ENTPD3: variants seen among roughly 807,000 people sequenced by gnomAD.
ENTPD3 encodes ectonucleoside triphosphate diphosphohydrolase 3, also known as CD39 antigen-like 3.
In ENTPD3, 60 loss-of-function variants were observed where a neutral mutation model predicts 51.2. That is an observed-to-expected ratio of 1.17 (90% CI 0.95 to 1.45). The LOEUF is 1.45. Ranked by LOEUF, ENTPD3 falls within the 40% of genes most tolerant of loss-of-function variation. ENTPD3 has a pLI of 0.00. For synonymous variants in ENTPD3, 221 were observed against 238.4 expected (o/e 0.93, Z 0.67); for missense variants, 593 against 641.1 (o/e 0.93, Z 0.81).
intron 4 of ENTPD3, among the ~76,000 whole-genome samples, chr3:40,409,419 G>C (rs1026753190): frequency 1.1e-4 from 16 of 152,156 alleles, no homozygotes; most frequent in African/African-American, 3.9e-4. Context: ...TGTTGTAGGA[G>C]GTCATTGCCC....
intron 2 of ENTPD3, among the ~76,000 whole-genome samples, chr3:40,390,059 T>A (rs1043058982): frequency 3.3e-5 from 5 of 152,188 alleles, no homozygotes; most frequent in Non-Finnish European, 4.4e-5. Flanking sequence ...TGCATTTTTT[T>A]ATTTTAATTA....
chr3:40,403,052 C>G (rs1235848447), intron 4 of ENTPD3, among the ~76,000 whole-genome samples: 1 of 152,152 alleles, frequency 6.6e-6, no homozygotes, highest in Non-Finnish European at 1.5e-5. Flanking sequence ...GTCCTCCCAG[C>G]CCGAGCAGCC....
At chr3:40,403,726 C>T (rs947586002) in intron 4 of ENTPD3, among the ~76,000 whole-genome samples, 11 of 149,776 alleles carry the variant, frequency 7.3e-5, no homozygotes, top group Non-Finnish European at 1.5e-4. Flanking sequence ...AATCATGGCT[C>T]GCTGCAGCCT....
chr3:40,397,115 G>GTTTATTTTTTTTT (rs1437880969), intron 3 of ENTPD3, among the ~76,000 whole-genome samples: 1 of 23,880 alleles, frequency 4.2e-5, no homozygotes, highest in South Asian at 1.5e-3. Flanking sequence ...TGGATAATTA[G>GTTTATTTTTTTTT]TTTCTTTTTT....
intron 4 of ENTPD3, among the ~76,000 whole-genome samples, chr3:40,405,527 A>G (rs1038561077): frequency 2.6e-5 from 4 of 152,034 alleles, no homozygotes; most frequent in African/African-American, 7.2e-5. Context: ...TCATTTGCCA[A>G]TAGTTGGCCG....
At chr3:40,416,614 A>G (rs1183648836) in intron 7 of ENTPD3, among the ~76,000 whole-genome samples, 2 of 152,204 alleles carry the variant, frequency 1.3e-5, no homozygotes, top group Admixed American at 1.3e-4. Context: ...TAAGTGTTCC[A>G]GGGCCCAGAA....
At chr3:40,413,713 C>T (rs1157588493) in intron 5 of ENTPD3, among the ~76,000 whole-genome samples, 1 of 152,184 alleles carries the variant, frequency 6.6e-6, no homozygotes, top group Non-Finnish European at 1.5e-5. Flanking sequence ...AAATGAATGT[C>T]TCCTTTGAAT....
In ENTPD3 at chr3:40,394,945, G is replaced by A. The variant is rs924327415; in HGVS notation, c.168+2795G>A. ...ACGAATGTGTTTACCCAGAGCCCAT[G>A]TTTCCCCTTCTAGAACACACTGTGG... On this transcript the variant is annotated intron_variant, in intron 3 of 10. Coordinates refer to ENST00000301825, the MANE Select transcript of ENTPD3 (RefSeq NM_001248.4). Among the ~76,000 whole-genome samples the A allele has an allele frequency of 4.5e-4, 68 of 152,188 alleles. 1 individual carries two copies. The highest frequency in any genetic ancestry group is 7.4e-5 in the Non-Finnish European group (5 of 68,026).
chr3:40,401,067 T>C, intron 4 of ENTPD3, 56 bp downstream of exon 4: 1 of 1,349,076 alleles, frequency 7.4e-7, no homozygotes, highest in African/African-American at 1.4e-5. Flanking sequence ...GAGTTCTAAG[T>C]GTTTTGGAGG....
chr3:40,414,506 C>T (rs962512484), intron 5 of ENTPD3, among the ~76,000 whole-genome samples, 175 bp from the exon 6 acceptor site: 3 of 152,168 alleles, frequency 2.0e-5, no homozygotes, highest in African/African-American at 7.2e-5. Context: ...TTCACAGTTG[C>T]CCCAGAAGGC....
chr3:40,425,460 A>C (rs1955963056), intron 10 of ENTPD3, among the ~76,000 whole-genome samples: 1 of 152,130 alleles, frequency 6.6e-6, no homozygotes, highest in South Asian at 2.1e-4. Context: ...GTGAAGGTGT[A>C]AAAAGACTTG....
chr3:40,423,009 C>T lies in ENTPD3; in HGVS notation c.991C>T (p.Pro331Ser). ...CATCACTTTTGAAGGAACTGGGGAC[C>T]CATCTCTGTGTAAGGAGAAGGTGGC... ...DVITFEGTGD[P>S]SLCKEKVASI... is the part of the protein sequence containing the mutation. Residue 331 changes from proline (P) to serine (S), a missense_variant, in exon 8 of 11, where the codon CCA (proline) becomes TCA (serine). Coordinates refer to ENST00000301825, the MANE Select transcript of ENTPD3 (RefSeq NM_001248.4). 6.2e-7 allele frequency: 1 copy of T among 1,614,030 alleles called. No individual in the cohort carries two copies. Among genetic ancestry groups the T allele is most frequent in the Non-Finnish European group, 8.5e-7 (1 of 1,179,992 alleles).
intron 10 of ENTPD3, among the ~76,000 whole-genome samples, 175 bp from the exon 11 acceptor site, chr3:40,427,097 T>G (rs1390977501): frequency 6.6e-6 from 1 of 152,160 alleles, no homozygotes; most frequent in Non-Finnish European, 1.5e-5. Context: ...GGAGGTGAGA[T>G]TTCCCCAAGC....
intron 7 of ENTPD3, among the ~76,000 whole-genome samples, chr3:40,418,753 T>C (rs564082202): frequency 1.5e-4 from 23 of 152,296 alleles, no homozygotes; most frequent in Non-Finnish European, 2.8e-4. Context: ...TGTATGAATG[T>C]GTAAAAACTT....
Position 40,423,297 on chromosome 3 carries a change from G to C in ENTPD3, c.1111G>C (p.Ala371Pro), listed in dbSNP as rs1048372207. 2 of 1,612,798 alleles carry C rather than the reference G, an allele frequency of 1.2e-6. No homozygotes were observed. Among genetic ancestry groups the C allele is most frequent in the Admixed American group, 1.7e-5 (1 of 59,942 alleles). The part of the protein sequence containing the change: ...PKIKGPFVAF[A>P]GFYYTASALN... ...CTGTATTACTTATTTCCAGGCTTTTGCAGGATTCTACTACACAGCCAGTGC... is the reference window on the plus strand; with the variant it reads ...CTGTATTACTTATTTCCAGGCTTTTCCAGGATTCTACTACACAGCCAGTGC... The change falls in exon 9 of 11, where the codon GCA (alanine) becomes CCA (proline). Residue 371 changes from alanine (A) to proline (P), a missense_variant. Coordinates refer to ENST00000301825, the MANE Select transcript of ENTPD3 (RefSeq NM_001248.4).
intron 10 of ENTPD3, among the ~76,000 whole-genome samples, chr3:40,426,608 C>T (rs938858974): frequency 6.6e-6 from 1 of 151,964 alleles, no homozygotes; most frequent in African/African-American, 2.4e-5. Context: ...ATAAGAGAAA[C>T]ATGGTTCAAG....
At chr3:40,409,277 G>A (rs932985101) in intron 4 of ENTPD3, among the ~76,000 whole-genome samples, 3 of 151,988 alleles carry the variant, frequency 2.0e-5, no homozygotes, top group Middle Eastern at 3.4e-3. Context: ...ATATACATAC[G>A]TATATAAACA....
rs1328735597 is a variant in ENTPD3, at chr3:40,415,941, G to A, written c.699G>A (p.Glu233=). The stretch of plus-strand genomic sequence containing the variant: ...CCCAAATATCCTTCGTGGCAGGAGA[G>A]AAGATGGATCTGAACACCAGCGACA... ...ASTQISFVAG[E]KMDLNTSDIM... is the part of the protein sequence containing the mutation. The change falls in exon 7 of 11, where the codon GAG becomes GAA. Residue 233 remains glutamate (E), a synonymous_variant. Coordinates refer to ENST00000301825, the MANE Select transcript of ENTPD3 (RefSeq NM_001248.4). The A allele has an allele frequency of 6.2e-7, 1 of 1,614,060 alleles. No individual in the cohort carries two copies. Among genetic ancestry groups the A allele is most frequent in the Non-Finnish European group, 8.5e-7 (1 of 1,180,030 alleles).
Position 40,423,233 on chromosome 3 carries a change from A to G in ENTPD3, c.1105-58A>G, listed in dbSNP as rs189999623. ...CCACCTTCTTATTCCTCACCCATAA[A>G]CCTTTCTATTATACCCCATTCTGAG... On this transcript the variant is annotated intron_variant, in intron 8 of 10. Transcript: ENST00000301825. 164 of 1,565,374 alleles carry G rather than the reference A, an allele frequency of 1.0e-4. 2 individuals are homozygous for G. The Admixed American group carries it at 2.8e-3, about 26-fold the overall frequency.
Sources: gnomAD v4.1 joint callset for allele counts (sites outside exome capture counted in the v4.1 genomes callset) on GRCh38, gnomAD v4.1.1 for gene constraint, MANE v1.5 for transcripts, NCBI Gene and HGNC (gene_info 2026-07-23, HGNC 2026-07-21) for gene names.